The following DDX50 variants were observed in gnomAD, a reference collection of about 807,000 sequenced individuals.
The protein encoded by DDX50 is DExD-box helicase 50.
Under a neutral mutation model 94.8 loss-of-function variants are expected in DDX50, and 56 were observed. The observed-to-expected ratio is 0.59, with a 90% CI of 0.48 to 0.74. The LOEUF is 0.74. Among genes scored for constraint, DDX50 ranks in the 30% least tolerant of loss-of-function variants. The pLI, the probability that DDX50 is intolerant of heterozygous loss-of-function variation, is 0.00. For synonymous variants in DDX50, 264 were observed against 295.4 expected (o/e 0.89, Z 1.09); for missense variants, 713 against 881.2 (o/e 0.81, Z 2.42).
intron 1 of DDX50, among the ~76,000 whole-genome samples, chr10:68,902,630 C>G (rs528255336): frequency 1.1e-4 from 17 of 152,218 alleles, no homozygotes; most frequent in African/African-American, 4.1e-4. Context: ...TCATTCCTCT[C>G]TCCTTCCACT....
chr10:68,915,567 C>A (rs955753711), intron 7 of DDX50, among the ~76,000 whole-genome samples: 2 of 151,768 alleles, frequency 1.3e-5, no homozygotes, highest in African/African-American at 4.8e-5. Flanking sequence ...AATACAAAAA[C>A]TAGCTGGGTG....
At chr10:68,933,741 C>G (rs995168330) in intron 8 of DDX50, among the ~76,000 whole-genome samples, 15 of 150,968 alleles carry the variant, frequency 9.9e-5, no homozygotes, top group African/African-American at 3.4e-4. Flanking sequence ...TCAAGACCAG[C>G]CTGATCAACA....
At position 68,913,670 on chromosome 10, in the gene DDX50, C is replaced by G. The variant is rs1240348418; in HGVS notation, c.943+94C>G. The G allele has an allele frequency of 6.4e-6, 8 of 1,248,794 alleles. No individual in the cohort carries two copies. The East Asian group carries it at 2.0e-4, about 31-fold the overall frequency. 77.4% of individuals were successfully genotyped at this position (1,248,794 alleles called of 1,614,324 possible). ...TTAATAATTTTTATTGCAGTGTCCCCTGCGTTCTAACAAAACTAAAATAAT... is the reference window on the plus strand; with the variant it reads ...TTAATAATTTTTATTGCAGTGTCCCGTGCGTTCTAACAAAACTAAAATAAT... On this transcript the variant is annotated intron_variant, in intron 6 of 14. Coordinates refer to ENST00000373585, the MANE Select transcript of DDX50 (RefSeq NM_024045.2).
chr10:68,935,204 G>A (rs1842375832), intron 10 of DDX50, among the ~76,000 whole-genome samples: 1 of 120,184 alleles, frequency 8.3e-6, no homozygotes, highest in African/African-American at 3.2e-5. Context: ...GTAAATGGGT[G>A]ACTAAAAGAT....
intron 2 of DDX50, among the ~76,000 whole-genome samples, chr10:68,909,495 C>T (rs2132024422): frequency 6.6e-6 from 1 of 152,186 alleles, no homozygotes; most frequent in Admixed American, 6.5e-5. Context: ...ACTTTACATT[C>T]CTCATTATAT....
intron 13 of DDX50, among the ~76,000 whole-genome samples, chr10:68,942,479 A>G (rs1235258828): frequency 1.7e-4 from 26 of 152,152 alleles, no homozygotes; most frequent in Admixed American, 1.7e-3. Context: ...GAGGGGAGGG[A>G]AAAAATAGCA....
At chr10:68,936,597 G>C (rs527935401) in intron 11 of DDX50, among the ~76,000 whole-genome samples, 1 of 146,842 alleles carries the variant, frequency 6.8e-6, no homozygotes, top group Admixed American at 6.9e-5. Context: ...CCAGCACTTC[G>C]GGAGGCTGAG....
At position 68,936,016 on chromosome 10, in the gene DDX50, T is replaced by A; in HGVS notation, c.1532T>A (p.Phe511Tyr). The A allele has an allele frequency of 6.2e-7, 1 of 1,604,644 alleles. No homozygotes were observed. The highest frequency in any genetic ancestry group is 8.5e-7 in the Non-Finnish European group (1 of 1,176,152). ...RYVEQKAGIT[F>Y]KRVGVPSTMD... ...CTCTTTCATTTTCAGGGAATTACTT[T>A]TAAACGTGTAGGTGTTCCTTCTACA... The change falls in exon 11 of 15, where the codon TTT becomes TAT. Residue 511 changes from phenylalanine to tyrosine, a missense_variant. Coordinates refer to ENST00000373585, the MANE Select transcript of DDX50 (RefSeq NM_024045.2).
chr10:68,945,468 G>A (rs576954495), intron 14 of DDX50, among the ~76,000 whole-genome samples: 3 of 152,016 alleles, frequency 2.0e-5, no homozygotes, highest in South Asian at 2.1e-4. Flanking sequence ...CACCATGCCC[G>A]GCTAATTTTT....
intron 13 of DDX50, among the ~76,000 whole-genome samples, chr10:68,942,508 A>G (rs779229595): frequency 6.6e-6 from 1 of 152,220 alleles, no homozygotes; most frequent in Non-Finnish European, 1.5e-5. Context: ...AGGCCAAACT[A>G]GTTGCTATAC....
chr10:68,917,460 A>T (rs1276580977), intron 7 of DDX50, among the ~76,000 whole-genome samples: 1 of 152,188 alleles, frequency 6.6e-6, no homozygotes. Flanking sequence ...CTCCGTCTCA[A>T]AAAACAACAA....
In DDX50 at chr10:68,901,447, G is replaced by C. The variant is rs1305069416; in HGVS notation, c.63G>C (p.Glu21Asp). 6.4e-7 allele frequency: 1 copy of C among 1,574,796 alleles called. No individual in the cohort carries two copies. Among genetic ancestry groups the C allele is most frequent in the Non-Finnish European group, 8.6e-7 (1 of 1,160,772 alleles). ...MELEAPLEESESQKKERQKSD... is the reference protein window; with the variant it reads ...MELEAPLEESDSQKKERQKSD... ...TGGAAGCACCCTTGGAGGAGTCCGA[G>C]AGCCAGAAGAAGGAGAGGCAAAAGG... The change falls in exon 1 of 15, where the codon GAG (glutamate) becomes GAC (aspartate). Residue 21 changes from glutamate (E) to aspartate (D), a missense_variant. Glu to Asp is a conservative substitution (Grantham distance 45). Transcript: ENST00000373585.
At chr10:68,931,415 A>ATATG (rs1842264695) in intron 8 of DDX50, among the ~76,000 whole-genome samples, 1 of 47,722 alleles carries the variant, frequency 2.1e-5, no homozygotes, top group African/African-American at 5.8e-5. Context: ...ATATATGTAT[A>ATATG]TATATATATA....
At chr10:68,919,416 C>T (rs921844564) in intron 7 of DDX50, among the ~76,000 whole-genome samples, 6 of 152,166 alleles carry the variant, frequency 3.9e-5, no homozygotes, top group Non-Finnish European at 7.3e-5. Flanking sequence ...CCTCATGCCC[C>T]GTCCCAGTCA....
chr10:68,917,839 G>A (rs978920655), intron 7 of DDX50, among the ~76,000 whole-genome samples: 3 of 152,072 alleles, frequency 2.0e-5, no homozygotes, highest in African/African-American at 4.8e-5. Context: ...CTCACCTCAC[G>A]TGATCCACCT....
chr10:68,928,621 C>G (rs1401487739), intron 8 of DDX50, among the ~76,000 whole-genome samples: 1 of 152,144 alleles, frequency 6.6e-6, no homozygotes, highest in Non-Finnish European at 1.5e-5. Context: ...ATAGATAGGT[C>G]TAATCACTCC....
At chr10:68,920,120 C>A in intron 8 of DDX50, 139 bp downstream of exon 8, 1 of 979,754 alleles carries the variant, frequency 1.0e-6, no homozygotes, top group Non-Finnish European at 1.5e-6. Flanking sequence ...TGGCCCACAC[C>A]TGTAATCCTG....
chr10:68,930,114 C>CTTTTTT (rs34023657), intron 8 of DDX50, among the ~76,000 whole-genome samples: 36 of 99,766 alleles, frequency 3.6e-4, no homozygotes, highest in South Asian at 1.0e-3. Context: ...CTTTCCTTTC[C>CTTTTTT]TTTTTTTTTT....
intron 14 of DDX50, among the ~76,000 whole-genome samples, chr10:68,945,787 C>T (rs1842656625): frequency 6.6e-6 from 1 of 152,142 alleles, no homozygotes; most frequent in South Asian, 2.1e-4. Context: ...TGTATTTAAT[C>T]TCCATCATGG....
Sources: allele counts gnomAD v4.1 joint callset (sites outside exome capture counted in the v4.1 genomes callset), GRCh38; gene constraint gnomAD v4.1.1; transcripts MANE v1.5; gene names NCBI Gene and HGNC (gene_info 2026-07-23, HGNC 2026-07-21).